TRMT10A: variants seen among roughly 807,000 people sequenced by gnomAD.
TRMT10A encodes the protein tRNA methyltransferase 10A, also known as tRNA methyltransferase 10 homolog A.
In TRMT10A, 37 loss-of-function variants were observed where a neutral mutation model predicts 40.4. That is an observed-to-expected ratio of 0.92 (90% confidence interval 0.71 to 1.21). The LOEUF (loss-of-function observed/expected upper bound fraction) is 1.21. Ranked by LOEUF, TRMT10A falls within the 50% of genes most tolerant of loss-of-function variation. The pLI is 0.00. For synonymous variants in TRMT10A, 103 were observed against 134.1 expected, an observed-to-expected ratio of 0.77 and a Z score of 1.60; for missense variants, 388 against 404.3, an observed-to-expected ratio of 0.96 and a Z score of 0.35.
At chr4:99,559,392 C>T (rs1308821234) in intron 1 of TRMT10A, 31 bp from the exon 2 acceptor site, 3 of 1,434,780 alleles carry the variant, frequency 2.1e-6, no homozygotes, top group Admixed American at 2.2e-5. Context: ...TTTACAAGCA[C>T]AAAAAAGTTA....
rs1187610254 is a variant in TRMT10A at position 99,557,420 on chromosome 4, T to A, written c.349-4A>T. On this transcript the variant is annotated splice_polypyrimidine_tract_variant and splice_region_variant and intron_variant, in intron 3 of 7. Coordinates refer to ENST00000394876, the MANE Select transcript of TRMT10A (RefSeq NM_001134665.3). ...GCTTATGAAGTTTCTTAATGTCCTA[T>A]CACAGAGTTCAATTTTTAAAGCAAA... 2.5e-6 allele frequency: 4 copies of A among 1,611,376 alleles called. No homozygotes were observed. In the African/African-American group the frequency reaches 5.3e-5, roughly 22 times the overall value.
intron 7 of TRMT10A, among the ~76,000 whole-genome samples, chr4:99,549,930 C>A (rs890563649): frequency 6.6e-6 from 1 of 152,014 alleles, no homozygotes; most frequent in African/African-American, 2.4e-5. Context: ...TTTGTTGAAT[C>A]GATAATTTCA....
rs1208321330 is a variant in TRMT10A at position 99,549,345 on chromosome 4, T to C, written c.763A>G (p.Ile255Val). Reference sequence around the variant, plus strand: ...TCTCTTGTTTCCAGGTATTCCAGAATAATTTCAAACACTGCAATAAAGACA... The same window carrying C: ...TCTCTTGTTTCCAGGTATTCCAGAACAATTTCAAACACTGCAATAAAGACA... ...VLAVNHVFEI[I>V]LEYLETRDWQ... The change falls in exon 8 of 8, where the codon ATT becomes GTT. Residue 255 changes from isoleucine to valine, a missense_variant. Coordinates refer to ENST00000394876, the MANE Select transcript of TRMT10A (RefSeq NM_001134665.3). The C allele has an allele frequency of 2.5e-6, 4 of 1,613,944 alleles. No homozygotes were observed. In the African/African-American group the frequency reaches 5.3e-5, roughly 22 times the overall value.
At chr4:99,557,650 C>T in intron 3 of TRMT10A, 1 of 440,186 alleles carries the variant, frequency 2.3e-6, no homozygotes, top group Non-Finnish European at 4.0e-6. Context: ...ATTTAAAATG[C>T]TAGTTCATGA....
rs1316504722 is a variant in TRMT10A at position 99,563,740 on chromosome 4, G to A, written c.-24+173C>T. 10 of 411,938 alleles carry A rather than the reference G, an allele frequency of 2.4e-5. No homozygotes were observed. In the East Asian group the frequency reaches 3.8e-4, roughly 16 times the overall value. 25.5% of individuals were successfully genotyped at this position (411,938 alleles called of 1,614,324 possible). ...GCTGGGTAGGCCGCGGGGGGCGCCT[G>A]TCATCGACGTCATTTCCTTCAGCAA... On this transcript the variant is annotated intron_variant, in intron 1 of 7. Transcript: ENST00000394876.
intron 5 of TRMT10A, among the ~76,000 whole-genome samples, chr4:99,554,721 T>G (rs74404432): frequency 2.4e-5 from 1 of 41,086 alleles, no homozygotes; most frequent in African/African-American, 1.1e-4. Context: ...CGACTACGTT[T>G]CAAAAAAAAA....
At chr4:99,554,350 C>T (rs1286578002) in intron 5 of TRMT10A, among the ~76,000 whole-genome samples, 1 of 152,198 alleles carries the variant, frequency 6.6e-6, no homozygotes, top group Non-Finnish European at 1.5e-5. Context: ...ATTTTTACTG[C>T]CACATATTTG....
Position 99,548,876 on chromosome 4 carries a change from T to A in TRMT10A, c.*212A>T. Reference sequence around the variant, plus strand: ...AAAAACAAAAACAAAAAAAATCACATACACATTTAAATCTTCTTACGCAAA... The same window carrying A: ...AAAAACAAAAACAAAAAAAATCACAAACACATTTAAATCTTCTTACGCAAA... On this transcript the variant is annotated 3_prime_UTR_variant, in exon 8 of 8. Coordinates refer to ENST00000394876, the MANE Select transcript of TRMT10A (RefSeq NM_001134665.3). 1 of 434,236 alleles carries A rather than the reference T, an allele frequency of 2.3e-6. No individual in the cohort carries two copies. The highest frequency in any genetic ancestry group is 3.9e-6 in the Non-Finnish European group (1 of 255,152). 26.9% of individuals were successfully genotyped at this position (434,236 alleles called of 1,614,324 possible).
At position 99,548,980 on chromosome 4, in the gene TRMT10A, A is replaced by C; in HGVS notation, c.*108T>G. On this transcript the variant is annotated 3_prime_UTR_variant, in exon 8 of 8. Transcript: ENST00000394876. ...TAGGTCCAAAAAAAAGTTTTTAAAA[A>C]TCACAACAGAAATAAGAGAAAATAA... 1.6e-6 allele frequency: 2 copies of C among 1,254,898 alleles called. No homozygotes were observed. The highest frequency in any genetic ancestry group is 2.1e-6 in the Non-Finnish European group (2 of 952,090). 77.7% of individuals were successfully genotyped at this position (1,254,898 alleles called of 1,614,324 possible). A position where few individuals can be genotyped will look rare whatever the true frequency, so the allele number is the denominator to read the frequency against.
Position 99,549,022 on chromosome 4 carries a change from C to A in TRMT10A, c.*66G>T. On this transcript the variant is annotated 3_prime_UTR_variant, in exon 8 of 8. Coordinates refer to ENST00000394876, the MANE Select transcript of TRMT10A (RefSeq NM_001134665.3). ...AGAAAATAAAATGTTCTTCCAATTT[C>A]AATATTCTATATAGCACCTCACTTT... The A allele has an allele frequency of 7.0e-7, 1 of 1,426,542 alleles. No homozygotes were observed. Among genetic ancestry groups the A allele is most frequent in the South Asian group, 1.7e-5 (1 of 57,570 alleles). 88.4% of individuals were successfully genotyped at this position (1,426,542 alleles called of 1,614,324 possible).
At chr4:99,556,015 A>C in intron 5 of TRMT10A, 131 bp downstream of exon 5, 2 of 729,702 alleles carry the variant, frequency 2.7e-6, no homozygotes, top group Admixed American at 6.7e-5. Flanking sequence ...GTAATCTTAG[A>C]CTTAGGTTCA....
chr4:99,556,294 T>C (rs1050653726), intron 4 of TRMT10A, 74 bp from the exon 5 acceptor site: 10 of 1,301,214 alleles, frequency 7.7e-6, no homozygotes, highest in Non-Finnish European at 1.1e-5. Flanking sequence ...TTCTCTCATC[T>C]ACTTATCTGA....
intron 2 of TRMT10A, 71 bp from the exon 3 acceptor site, chr4:99,558,282 C>T: frequency 7.9e-7 from 1 of 1,273,234 alleles, no homozygotes; most frequent in Non-Finnish European, 1.1e-6. Context: ...TCTAAATAAA[C>T]AATTCCTTTT....
intron 6 of TRMT10A, among the ~76,000 whole-genome samples, chr4:99,552,031 C>T (rs531574338): frequency 2.0e-4 from 31 of 151,572 alleles, no homozygotes; most frequent in South Asian, 1.5e-3. Flanking sequence ...AATGTGTTTA[C>T]GTTTTAAGCT....
At chr4:99,557,215 AT>A in intron 4 of TRMT10A, 129 bp downstream of exon 4, 5 of 773,130 alleles carry the variant, frequency 6.5e-6, no homozygotes, top group African/African-American at 1.8e-5. Context: ...TGTCAAAAAA[AT>A]TTTTTTCACA....
Position 99,559,245 on chromosome 4 carries a change from T to C in TRMT10A, c.94A>G (p.Arg32Gly). The change falls in exon 2 of 8, where the codon AGA (arginine) becomes GGA (glycine). Residue 32 changes from arginine to glycine, a missense_variant. Coordinates refer to ENST00000394876, the MANE Select transcript of TRMT10A (RefSeq NM_001134665.3). Reference sequence around the variant, plus strand: ...ATTGGTTCACACCCTTCACCTAATCTTGGCTTCTGGCTCTCCTCTTGATCT... The same window carrying C: ...ATTGGTTCACACCCTTCACCTAATCCTGGCTTCTGGCTCTCCTCTTGATCT... ...NEDQEESQKPRLGEGCEPISK... is the reference protein window; with the variant it reads ...NEDQEESQKPGLGEGCEPISK... 1 of 1,613,774 alleles carries C rather than the reference T, an allele frequency of 6.2e-7. No homozygotes were observed. Among genetic ancestry groups the C allele is most frequent in the Non-Finnish European group, 8.5e-7 (1 of 1,179,742 alleles).
chr4:99,554,607 G>C (rs1724088706), intron 5 of TRMT10A, among the ~76,000 whole-genome samples: 1 of 151,442 alleles, frequency 6.6e-6, no homozygotes, highest in Non-Finnish European at 1.5e-5. Flanking sequence ...TGTAATCCCA[G>C]CTACTCGGGA....
chr4:99,549,391 C>G (rs1560596982), intron 7 of TRMT10A, 35 bp from the exon 8 acceptor site: 1 of 1,605,134 alleles, frequency 6.2e-7, no homozygotes, highest in Non-Finnish European at 8.5e-7. Flanking sequence ...ATTTCTTAGC[C>G]AAGTTCATCA....
At chr4:99,563,701 C>G (rs919363818) in intron 1 of TRMT10A, 1 of 368,870 alleles carries the variant, frequency 2.7e-6, no homozygotes, top group Non-Finnish European at 5.3e-6. Context: ...CTGTCTCTGG[C>G]GAACCAGGGA....
Sources: gnomAD v4.1 joint callset for allele counts (sites outside exome capture counted in the v4.1 genomes callset) on GRCh38, gnomAD v4.1.1 for gene constraint, MANE v1.5 for transcripts, NCBI Gene and HGNC (gene_info 2026-07-23, HGNC 2026-07-21) for gene names.